Variants in NFATC2 observed in about 807,000 individuals in gnomAD.
NFATC2 encodes nuclear factor of activated T-cells, cytoplasmic 2.
A neutral mutation model predicts 87.3 loss-of-function variants in NFATC2; 22 were observed. That is an observed-to-expected ratio of 0.25 (90% CI 0.18 to 0.36). The LOEUF (loss-of-function observed/expected upper bound fraction) is 0.36. NFATC2 is among the 10% of genes least tolerant of loss of function. NFATC2 has a pLI of 1.00. For synonymous variants in NFATC2, 565 were observed against 542.2 expected (o/e 1.04, Z -0.58); for missense variants, 1,149 against 1,259.1 (o/e 0.91, Z 1.32).
chr20:51,408,761 T>C (rs1978763044), intron 9 of NFATC2, among the ~76,000 whole-genome samples: 1 of 152,118 alleles, frequency 6.6e-6, no homozygotes, highest in Non-Finnish European at 1.5e-5. Flanking sequence ...GAGAATCTCT[T>C]TGTGACATCA....
chr20:51,461,676 C>T (rs1480979614), intron 5 of NFATC2, among the ~76,000 whole-genome samples: 1 of 152,246 alleles, frequency 6.6e-6, no homozygotes, highest in East Asian at 1.9e-4. Context: ...CCACATCGCC[C>T]AAGTAGGCCT....
intron 1 of NFATC2, among the ~76,000 whole-genome samples, chr20:51,548,044 T>C (rs1203526960): frequency 6.6e-6 from 1 of 152,134 alleles, no homozygotes; most frequent in Admixed American, 6.5e-5. Context: ...TAAAATTAAA[T>C]ACAAAGCCCT....
At chr20:51,486,204 C>T (rs1176934926) in intron 3 of NFATC2, among the ~76,000 whole-genome samples, 2 of 151,478 alleles carry the variant, frequency 1.3e-5, no homozygotes, top group Non-Finnish European at 2.9e-5. Context: ...GAGCGAGACA[C>T]TGCCTCAAAC....
rs747972577 is a variant in NFATC2 at position 51,454,566 on chromosome 20, A to G, written c.1831T>C (p.Phe611Leu). Residue 611 changes from phenylalanine to leucine, a missense_variant, in exon 6 of 11, where the codon TTT (phenylalanine) becomes CTT (leucine). Transcript: ENST00000371564. ...QNFTSESKVV[F>L]TEKTTDGQQI... is the part of the protein sequence containing the mutation. ...CACTGACCTGTGGTCTTCTCAGTAA[A>G]CACAACTTTGGACTCGGATGTAAAG... 6.2e-7 allele frequency: 1 copy of G among 1,614,020 alleles called. No homozygotes were observed. Among genetic ancestry groups the G allele is most frequent in the South Asian group, 1.1e-5 (1 of 91,084 alleles).
At chr20:51,497,428 T>C (rs1349094309) in intron 3 of NFATC2, among the ~76,000 whole-genome samples, 1 of 152,204 alleles carries the variant, frequency 6.6e-6, no homozygotes, top group African/African-American at 2.4e-5. Flanking sequence ...TTAGGGCCAG[T>C]GCATGAACTT....
chr20:51,555,593 CA>C (rs34198930), intron 1 of NFATC2, among the ~76,000 whole-genome samples: 240 of 140,314 alleles, frequency 1.7e-3, no homozygotes, highest in East Asian at 1.7e-3. Context: ...GACTCCATCT[CA>C]AAAAAAAAAA....
At chr20:51,481,864 C>T (rs190538196) in intron 3 of NFATC2, among the ~76,000 whole-genome samples, 144 of 152,262 alleles carry the variant, frequency 9.5e-4, no homozygotes, top group African/African-American at 2.0e-3. Context: ...TTGCACCCTC[C>T]ATAGGTGAAG....
At position 51,396,034 on chromosome 20, in the gene NFATC2, GTATGTATA is replaced by G. The variant is rs1390000733; in HGVS notation, c.*44+2601_*44+2608del. ...AAGAGCTGTAGTTTGTCAGCTCCTA[GTATGTATA>G]TATATATATATATATATATATATAT... On this transcript the variant is annotated intron_variant, in intron 10 of 10. Transcript: ENST00000371564. Among the ~76,000 whole-genome samples the G allele has an allele frequency of 7.5e-4, 95 of 126,478 alleles. 2 individuals are homozygous for G. The highest frequency in any genetic ancestry group is 4.3e-3 in the Middle Eastern group (1 of 232). The allele number at this position is 126,478 out of a possible 152,430, so 83.0% of individuals were successfully genotyped here. A position where few individuals can be genotyped will look rare whatever the true frequency, so the allele number is the denominator to read the frequency against.
At chr20:51,489,241 C>A (rs764522906) in intron 3 of NFATC2, among the ~76,000 whole-genome samples, 2 of 148,606 alleles carry the variant, frequency 1.3e-5, no homozygotes, top group East Asian at 3.9e-4. Context: ...AGGAAGCTCA[C>A]CAAGATGGTG....
chr20:51,521,805 G>T (rs1004555994), intron 2 of NFATC2, among the ~76,000 whole-genome samples: 2 of 152,094 alleles, frequency 1.3e-5, no homozygotes, highest in Non-Finnish European at 2.9e-5. Flanking sequence ...TCAAAATGAA[G>T]ATAAAAAATA....
At chr20:51,529,943 C>T (rs1373767564) in intron 1 of NFATC2, among the ~76,000 whole-genome samples, 3 of 152,218 alleles carry the variant, frequency 2.0e-5, no homozygotes, top group East Asian at 3.9e-4. Flanking sequence ...AATGCTTCTG[C>T]GGTATAACTC....
intron 9 of NFATC2, among the ~76,000 whole-genome samples, chr20:51,407,013 C>T (rs1472816237): frequency 1.3e-5 from 2 of 152,200 alleles, no homozygotes; most frequent in African/African-American, 4.8e-5. Context: ...CCCTCACTCT[C>T]CCCTAGTCCA....
intron 3 of NFATC2, among the ~76,000 whole-genome samples, chr20:51,486,648 C>T (rs754285): frequency 0.18 from 25,131 of 139,378 alleles, 2,200 homozygotes; most frequent in East Asian, 0.25. Context: ...GCACCTCCGA[C>T]GGTATTTGGC....
intron 2 of NFATC2, among the ~76,000 whole-genome samples, chr20:51,522,828 A>G (rs139101937): frequency 1.2e-3 from 176 of 152,306 alleles, no homozygotes; most frequent in African/African-American, 4.1e-3. Flanking sequence ...GAGCAATTAC[A>G]TTTATCATGA....
Position 51,475,788 on chromosome 20 carries a change from G to A in NFATC2, c.1333-128C>T, listed in dbSNP as rs560806079. 23 of 910,272 alleles carry A rather than the reference G, an allele frequency of 2.5e-5. No homozygotes were observed. In the Admixed American group the frequency reaches 2.9e-4, roughly 12 times the overall value. 56.4% of individuals were successfully genotyped at this position (910,272 alleles called of 1,614,324 possible). The stretch of plus-strand genomic sequence containing the variant: ...GGATTTCTGCAGCATCTGGAAGAAT[G>A]GAGAACTGGAAACAACCTTGATGTC... On this transcript the variant is annotated intron_variant, in intron 3 of 10. Transcript: ENST00000371564.
chr20:51,402,258 A>G (rs552866263), intron 9 of NFATC2, among the ~76,000 whole-genome samples: 4 of 152,352 alleles, frequency 2.6e-5, no homozygotes, highest in Middle Eastern at 6.8e-3. Context: ...CTATTCTCCA[A>G]TTCAGCAGAA....
chr20:51,459,077 C>T (rs1385886905), intron 5 of NFATC2, among the ~76,000 whole-genome samples: 7 of 152,212 alleles, frequency 4.6e-5, no homozygotes, highest in African/African-American at 1.7e-4. Context: ...GGGTCTGCTT[C>T]AAGCAGTACA....
rs1568667442 is a variant in NFATC2 at position 51,477,577 on chromosome 20, ATAT to A, written c.1333-1920_1333-1918del. 4.8e-3 allele frequency among the ~76,000 whole-genome samples: 410 copies of A among 86,312 alleles called. 6 individuals are homozygous for A. The highest frequency in any genetic ancestry group is 0.037 in the Middle Eastern group (5 of 136). The allele number at this position is 86,312 out of a possible 152,430, so 56.6% of individuals were successfully genotyped here. On this transcript the variant is annotated intron_variant, in intron 3 of 10. Transcript: ENST00000371564. ...TATATATATATATATATATATATAT[ATAT>A]AAAATAACAAGAGACAAAAGGACAT... is the stretch of plus-strand genomic sequence containing the variant.
rs544638596 is a variant in NFATC2, at chr20:51,392,553, A to G, written c.*45-1102T>C. Among the ~76,000 whole-genome samples the G allele has an allele frequency of 1.4e-4, 21 of 152,096 alleles. No homozygotes were observed. The East Asian group carries it at 2.9e-3, about 21-fold the overall frequency. ...AGCCCATCCATGAGGCATGCTCCCT[A>G]AGGTATGTCTACACCTTCAGTTTTA... is the stretch of plus-strand genomic sequence containing the variant. On this transcript the variant is annotated intron_variant, in intron 10 of 10. Transcript: ENST00000371564.
Sources: allele counts gnomAD v4.1 joint callset (sites outside exome capture counted in the v4.1 genomes callset), GRCh38; gene constraint gnomAD v4.1.1; transcripts MANE v1.5; gene names NCBI Gene and HGNC (gene_info 2026-07-23, HGNC 2026-07-21).